CACNB3: variants seen among roughly 807,000 people sequenced by gnomAD.
CACNB3 encodes calcium voltage-gated channel auxiliary subunit beta 3, also known as voltage-dependent L-type calcium channel subunit beta-3.
CACNB3 carries 36 observed loss-of-function variants against 63.7 expected under a neutral mutation model. The ratio of observed to expected loss-of-function variants is 0.57; its 90% CI spans 0.43 to 0.75. The LOEUF is 0.75. Among genes scored for constraint, CACNB3 ranks in the 30% least tolerant of loss-of-function variants. The pLI is 0.00. For missense variants in CACNB3, 493 were observed against 648.6 expected (o/e 0.76, Z 2.61); for synonymous variants, 241 against 250.6 (o/e 0.96, Z 0.36).
Position 48,828,816 on chromosome 12 carries a change from C to T in CACNB3, c.*917C>T, listed in dbSNP as rs1235109945. 2.2e-6 allele frequency: 1 copy of T among 455,624 alleles called. No individual in the cohort carries two copies. Among genetic ancestry groups the T allele is most frequent in the Admixed American group, 2.4e-5 (1 of 42,526 alleles). The allele number at this position is 455,624 out of a possible 1,614,324, so 28.2% of individuals were successfully genotyped here. A position where few individuals can be genotyped will look rare whatever the true frequency, so the allele number is the denominator to read the frequency against. On this transcript the variant is annotated 3_prime_UTR_variant, in exon 13 of 13. Transcript: ENST00000301050. ...TAGGTTAGGGTTAGATGGGGAGAGA[C>T]AGGGCACAGAGGACCTGTCTCCCCG...
Position 48,824,940 on chromosome 12 carries a change from T to C in CACNB3, c.473-9T>C. 6.2e-7 allele frequency: 1 copy of C among 1,613,122 alleles called. No homozygotes were observed. Among genetic ancestry groups the C allele is most frequent in the Non-Finnish European group, 8.5e-7 (1 of 1,179,822 alleles). ...CCAACTTTAATCTTGTATTTCCTTT[T>C]CCAAAAAGCCAAGCAGAAGCAAAAG... On this transcript the variant is annotated splice_polypyrimidine_tract_variant and intron_variant, in intron 5 of 12. Coordinates refer to ENST00000301050, the MANE Select transcript of CACNB3 (RefSeq NM_000725.4).
chr12:48,824,147 G>A, intron 3 of CACNB3, 111 bp from the exon 4 acceptor site: 1 of 913,456 alleles, frequency 1.1e-6, no homozygotes, highest in African/African-American at 1.7e-5. Context: ...CCCTTGCATT[G>A]CATTCCTCAG....
upstream of CACNB3, chr12:48,815,729 G>A: frequency 8.0e-7 from 1 of 1,253,702 alleles, no homozygotes. Flanking sequence ...GCTGAACGAG[G>A]TAACCGTGGG....
upstream of CACNB3, chr12:48,816,873 A>T: frequency 1.0e-6 from 1 of 985,466 alleles, no homozygotes; most frequent in South Asian, 4.7e-5. Context: ...TCTTCACTAG[A>T]GCCATCTCCC....
At position 48,826,300 on chromosome 12, in the gene CACNB3, T is replaced by A; in HGVS notation, c.743-67T>A. 1.3e-6 allele frequency: 2 copies of A among 1,564,248 alleles called. No homozygotes were observed. The highest frequency in any genetic ancestry group is 2.2e-5 in the South Asian group (2 of 89,600). On this transcript the variant is annotated intron_variant, in intron 9 of 12. Coordinates refer to ENST00000301050, the MANE Select transcript of CACNB3 (RefSeq NM_000725.4). This position sits in a 1 kb window ranked among gnomAD's most constrained non-coding sequence, Gnocchi z 4.8. ...CTTCCTGTCCACCATTCGGGAGCCCTCAAAGCCTGCTGGAGTGAGCAGTGG... is the reference window on the plus strand; with the variant it reads ...CTTCCTGTCCACCATTCGGGAGCCCACAAAGCCTGCTGGAGTGAGCAGTGG...
At chr12:48,815,648 C>T (rs1014450133), upstream of CACNB3, 1 of 1,534,072 alleles carries the variant, frequency 6.5e-7, no homozygotes, top group Non-Finnish European at 8.7e-7. Context: ...CCTCGGAGCC[C>T]CTGGCCCGGG....
Position 48,825,354 on chromosome 12 carries a change from G to T in CACNB3, c.574-80G>T. On this transcript the variant is annotated intron_variant, in intron 7 of 12. Transcript: ENST00000301050. The surrounding 1 kb of genome is among the most constrained non-coding windows in gnomAD (Gnocchi z 4.5). ...CCTCCGTCCAGGGTGTGTATGTGGA[G>T]CGCATTGACTCTGGGGCCATGCATG... is the stretch of plus-strand genomic sequence containing the variant. 1 of 1,567,798 alleles carries T rather than the reference G, an allele frequency of 6.4e-7. No homozygotes were observed. The highest frequency in any genetic ancestry group is 1.1e-5 in the South Asian group (1 of 90,096).
At position 48,825,198 on chromosome 12, in the gene CACNB3, C is replaced by T. The variant is rs1294631885; in HGVS notation, c.528C>T (p.Ser176=). The part of the protein sequence containing the change: ...EHVPPYDVVP[S]MRPVVLVGPS... Reference sequence around the variant, plus strand: ...TTCCCCCATATGACGTGGTGCCCTCCATGCGGCCTGTGGTGCTGGTGGGAC... The same window carrying T: ...TTCCCCCATATGACGTGGTGCCCTCTATGCGGCCTGTGGTGCTGGTGGGAC... The change falls in exon 7 of 13, where the codon TCC becomes TCT. Residue 176 remains serine, a synonymous_variant. Transcript: ENST00000301050. The surrounding 1 kb of genome is among the most constrained non-coding windows in gnomAD (Gnocchi z 4.5). 6.2e-7 allele frequency: 1 copy of T among 1,614,158 alleles called. No individual in the cohort carries two copies. The highest frequency in any genetic ancestry group is 8.5e-7 in the Non-Finnish European group (1 of 1,180,042).
Position 48,823,270 on chromosome 12 carries a change from G to A in CACNB3, c.46-74G>A. ...AACTGGGGGCAATAGAGGCAACACT[G>A]TAAGGTGAGGAGGGTGCCTCCATGG... On this transcript the variant is annotated intron_variant, in intron 1 of 12. Coordinates refer to ENST00000301050, the MANE Select transcript of CACNB3 (RefSeq NM_000725.4). This position sits in a 1 kb window ranked among gnomAD's most constrained non-coding sequence, Gnocchi z 4.2. 4.5e-6 allele frequency: 7 copies of A among 1,566,166 alleles called. No homozygotes were observed. Among genetic ancestry groups the A allele is most frequent in the Non-Finnish European group, 6.1e-6 (7 of 1,153,224 alleles).
chr12:48,824,791 G>C (rs775483449), intron 5 of CACNB3, 58 bp downstream of exon 5: 2 of 1,574,364 alleles, frequency 1.3e-6, no homozygotes, highest in Admixed American at 3.3e-5. Flanking sequence ...CACAGGGAAA[G>C]AGGGGATCCT....
upstream of CACNB3, chr12:48,817,140 A>C: frequency 2.9e-6 from 1 of 340,984 alleles, no homozygotes; most frequent in Non-Finnish European, 4.1e-6. Context: ...TGTCAAACCC[A>C]GCATGAGGAA....
At position 48,825,006 on chromosome 12, in the gene CACNB3, G is replaced by A. The variant is rs568056362; in HGVS notation, c.492+38G>A. ...AGGGACCTGGGCTGGGGGGATCATG[G>A]CTTATGGCTCTGGGGACAGTGTTCT... is the stretch of plus-strand genomic sequence containing the variant. On this transcript the variant is annotated intron_variant, in intron 6 of 12. Transcript: ENST00000301050. This position sits in a 1 kb window ranked among gnomAD's most constrained non-coding sequence, Gnocchi z 4.5. The A allele has an allele frequency of 2.5e-6, 4 of 1,594,524 alleles. No homozygotes were observed. The South Asian group carries it at 3.3e-5, about 13-fold the overall frequency.
chr12:48,814,613 G>C (rs929610869), upstream of CACNB3: 89 of 1,463,310 alleles, frequency 6.1e-5, no homozygotes, highest in African/African-American at 1.0e-3. This position sits in a 1 kb window ranked among gnomAD's most constrained non-coding sequence, Gnocchi z 6.9. Flanking sequence ...CCACGGGGTG[G>C]GAATAAGTAG....
rs112245253 is a variant in CACNB3, at chr12:48,825,342, T to G, written c.574-92T>G. On this transcript the variant is annotated intron_variant, in intron 7 of 12. Transcript: ENST00000301050. The surrounding 1 kb of genome is among the most constrained non-coding windows in gnomAD (Gnocchi z 4.5). The stretch of plus-strand genomic sequence containing the variant: ...AGGGGTGTGTCTCCTCCGTCCAGGG[T>G]GTGTATGTGGAGCGCATTGACTCTG... 1 of 1,567,810 alleles carries G rather than the reference T, an allele frequency of 6.4e-7. No individual in the cohort carries two copies. Among genetic ancestry groups the G allele is most frequent in the Non-Finnish European group, 8.8e-7 (1 of 1,138,676 alleles).
chr12:48,824,502 C>A, intron 4 of CACNB3, 129 bp downstream of exon 4: 1 of 1,035,982 alleles, frequency 9.7e-7, no homozygotes, highest in Non-Finnish European at 1.4e-6. Context: ...CCCAGCTCTA[C>A]ACACTCAACA....
At position 48,825,812 on chromosome 12, in the gene CACNB3, C is replaced by A; in HGVS notation, c.742+43C>A. On this transcript the variant is annotated intron_variant, in intron 9 of 12. Transcript: ENST00000301050. This position sits in a 1 kb window ranked among gnomAD's most constrained non-coding sequence, Gnocchi z 4.5. ...CCTGCTTCTGTGCCCACTCAAGTGC[C>A]AGTGAGAACCTTCCTCCTCCCTTTT... The A allele has an allele frequency of 7.4e-7, 1 of 1,354,758 alleles. No individual in the cohort carries two copies. Among genetic ancestry groups the A allele is most frequent in the Non-Finnish European group, 1.1e-6 (1 of 949,662 alleles). The allele number at this position is 1,354,758 out of a possible 1,614,324, so 83.9% of individuals were successfully genotyped here.
In CACNB3 at chr12:48,826,968, C is replaced by A; in HGVS notation, c.991-6C>A. 13 of 1,613,978 alleles carry A rather than the reference C, an allele frequency of 8.1e-6. No individual in the cohort carries two copies. Among genetic ancestry groups the A allele is most frequent in the Non-Finnish European group, 1.1e-5 (13 of 1,179,960 alleles). On this transcript the variant is annotated splice_polypyrimidine_tract_variant and splice_region_variant and intron_variant, in intron 11 of 12. Coordinates refer to ENST00000301050, the MANE Select transcript of CACNB3 (RefSeq NM_000725.4). This position sits in a 1 kb window ranked among gnomAD's most constrained non-coding sequence, Gnocchi z 4.8. ...ACCAACGTTGCGCCTTCCTCCCCCT[C>A]CCCAGGAGTCATTTGATGTGATTCT...
intron 1 of CACNB3, among the ~76,000 whole-genome samples, chr12:48,822,604 G>T (rs1937909085): frequency 6.6e-6 from 1 of 152,206 alleles, no homozygotes; most frequent in African/African-American, 2.4e-5. Context: ...TGCACCCAGG[G>T]AGACAGCTTT....
chr12:48,823,228 C>T lies in CACNB3; in HGVS notation c.46-116C>T. 7.5e-7 allele frequency: 1 copy of T among 1,339,528 alleles called. No homozygotes were observed. The highest frequency in any genetic ancestry group is 1.4e-5 in the South Asian group (1 of 71,390). 83.0% of individuals were successfully genotyped at this position (1,339,528 alleles called of 1,614,324 possible). On this transcript the variant is annotated intron_variant, in intron 1 of 12. Transcript: ENST00000301050. This position sits in a 1 kb window ranked among gnomAD's most constrained non-coding sequence, Gnocchi z 4.2. ...GGAGGGGCCATAGGGACCCAGCTAT[C>T]CCCTTGGAGATGGAGAAACTGGGGG...
Sources: gnomAD v4.1 joint callset for allele counts (sites outside exome capture counted in the v4.1 genomes callset) on GRCh38, gnomAD v4.1.1 for gene constraint, Gnocchi (gnomAD v3.1) non-coding constraint, MANE v1.5 for transcripts, NCBI Gene and HGNC (gene_info 2026-07-23, HGNC 2026-07-21) for gene names.